Variants in KCNH2 observed in about 807,000 individuals in gnomAD.
The protein encoded by KCNH2 is potassium voltage-gated channel subfamily H member 2, also known as voltage-gated inwardly rectifying potassium channel KCNH2.
Under a neutral mutation model 95.9 loss-of-function variants are expected in KCNH2, and 35 were observed. That is an observed-to-expected ratio of 0.37 (90% CI 0.28 to 0.48). The LOEUF is 0.48. Among genes scored for constraint, KCNH2 ranks in the 20% least tolerant of loss-of-function variants. The probability of loss-of-function intolerance (pLI) is 0.99; values close to 1 mark genes in which losing one functional copy is unlikely to be tolerated. For missense variants in KCNH2, 1,274 were observed against 1,702.9 expected (o/e 0.75, Z 4.43); for synonymous variants, 786 against 754.7 (o/e 1.04, Z -0.68).
Position 150,958,420 on chromosome 7 carries a change from C to T in KCNH2, c.555G>A (p.Ala185=), listed in dbSNP as rs894519401. ...CGGCCCCCGGGGCGCCCGCGCCGCC[C>T]GCGCCGCCCGACCGCACCGACGACT... is the stretch of plus-strand genomic sequence containing the variant. ...ARESSVRSGG[A]GGAGAPGAVV... is the part of the protein sequence containing the mutation. Residue 185 remains alanine (A), a synonymous_variant, in exon 4 of 15, where the codon GCG becomes GCA. Transcript: ENST00000262186. The T allele has an allele frequency of 1.1e-4, 154 of 1,443,318 alleles. No individual in the cohort carries two copies. Among genetic ancestry groups the T allele is most frequent in the Non-Finnish European group, 1.3e-4 (143 of 1,107,126 alleles). 89.4% of individuals were successfully genotyped at this position (1,443,318 alleles called of 1,614,324 possible). A position where few individuals can be genotyped will look rare whatever the true frequency, so the allele number is the denominator to read the frequency against.
chr7:150,969,464 G>C (rs978427167), intron 2 of KCNH2, among the ~76,000 whole-genome samples: 1 of 45,550 alleles, frequency 2.2e-5, no homozygotes, highest in East Asian at 2.9e-3. Context: ...CACCTCTGAG[G>C]GTGAAGCTGG....
chr7:150,964,020 A>T (rs1801638369), intron 2 of KCNH2, among the ~76,000 whole-genome samples: 2 of 152,170 alleles, frequency 1.3e-5, no homozygotes, highest in Non-Finnish European at 2.9e-5. Context: ...CCAGCATCCC[A>T]ACCCATCCGA....
At position 150,948,616 on chromosome 7, in the gene KCNH2, C is replaced by T. The variant is rs186396189; in HGVS notation, c.2593-73G>A. On this transcript the variant is annotated intron_variant, in intron 10 of 14. Coordinates refer to ENST00000262186, the MANE Select transcript of KCNH2 (RefSeq NM_000238.4). ...ACCGGGGTCAGGCCCCAAGCTCCCT[C>T]CTTAACACAGAAAAAGTAGGGCTGG... 4.3e-6 allele frequency: 6 copies of T among 1,382,364 alleles called. No homozygotes were observed. The African/African-American group carries it at 7.1e-5, about 16-fold the overall frequency. The allele number at this position is 1,382,364 out of a possible 1,614,324, so 85.6% of individuals were successfully genotyped here.
At chr7:150,977,364 T>A (rs1328711703) in intron 1 of KCNH2, among the ~76,000 whole-genome samples, 1 of 152,188 alleles carries the variant, frequency 6.6e-6, no homozygotes, top group Non-Finnish European at 1.5e-5. Context: ...GAAGAGATTA[T>A]GAGCTGACCC....
Position 150,950,244 on chromosome 7 carries a change from G to A in KCNH2, c.2322C>T (p.Asp774=). Residue 774 remains aspartate, a synonymous_variant, in exon 9 of 15, where the codon GAC becomes GAT. Transcript: ENST00000262186. ...PPGDTLVHAG[D]LLTALYFISR... Reference sequence around the variant, plus strand: ...AGATGAAGTACAGGGCGGTGAGCAGGTCCCCAGCATGCACCAGTGTGTCCC... The same window carrying A: ...AGATGAAGTACAGGGCGGTGAGCAGATCCCCAGCATGCACCAGTGTGTCCC... 1 of 1,613,380 alleles carries A rather than the reference G, an allele frequency of 6.2e-7. No homozygotes were observed. Among genetic ancestry groups the A allele is most frequent in the South Asian group, 1.1e-5 (1 of 91,050 alleles).
intron 5 of KCNH2, chr7:150,955,374 GGAA>G: frequency 1.3e-6 from 2 of 1,550,318 alleles, no homozygotes; most frequent in Non-Finnish European, 1.7e-6. Context: ...AGAAAGAAGA[GGAA>G]GGACCGGGTG....
In KCNH2 at chr7:150,947,061, C is replaced by T; in HGVS notation, c.3153-7G>A. On this transcript the variant is annotated splice_region_variant and splice_polypyrimidine_tract_variant and intron_variant, in intron 13 of 14. Transcript: ENST00000262186. The stretch of plus-strand genomic sequence containing the variant: ...ACTCAGCCGGGTCTCCAGCCTGGGG[C>T]AGGAAGTGGGGGATGCTCAGAGAAG... 1 of 1,582,416 alleles carries T rather than the reference C, an allele frequency of 6.3e-7. No homozygotes were observed. The highest frequency in any genetic ancestry group is 1.1e-5 in the South Asian group (1 of 87,792).
In KCNH2 at chr7:150,946,822, G is replaced by A; in HGVS notation, c.3330+55C>T. The A allele has an allele frequency of 6.6e-7, 1 of 1,518,722 alleles. No homozygotes were observed. Among genetic ancestry groups the A allele is most frequent in the Non-Finnish European group, 9.0e-7 (1 of 1,109,772 alleles). The allele number at this position is 1,518,722 out of a possible 1,614,324, so 94.1% of individuals were successfully genotyped here. On this transcript the variant is annotated intron_variant, in intron 14 of 14. Coordinates refer to ENST00000262186, the MANE Select transcript of KCNH2 (RefSeq NM_000238.4). This position sits in a 1 kb window ranked among gnomAD's most constrained non-coding sequence, Gnocchi z 6.5. ...AAAGGCAGCAAAGCAGGTTTGGGCT[G>A]GAATCGGGGAACAAGCGGGTCACGG...
chr7:150,951,894 G>A, intron 6 of KCNH2, 59 bp from the exon 7 acceptor site: 1 of 1,484,338 alleles, frequency 6.7e-7, no homozygotes, highest in Non-Finnish European at 9.1e-7. Context: ...AGGGAGGAGG[G>A]GAGGTGCTGC....
intron 7 of KCNH2, 71 bp downstream of exon 7, chr7:150,951,377 G>A (rs983870659): frequency 2.0e-5 from 32 of 1,587,260 alleles, no homozygotes; most frequent in Non-Finnish European, 2.6e-5. Context: ...CCGGCTAGCA[G>A]CCTCAGTTTC....
rs191502752 is a variant in KCNH2, at chr7:150,962,662, G to A, written c.308-2926C>T. Among the ~76,000 whole-genome samples, 25 of 99,668 alleles carry A rather than the reference G, an allele frequency of 2.5e-4. No individual in the cohort carries two copies. Among genetic ancestry groups the A allele is most frequent in the African/African-American group, 7.7e-4 (23 of 29,978 alleles). The allele number at this position is 99,668 out of a possible 152,430, so 65.4% of individuals were successfully genotyped here. A position where few individuals can be genotyped will look rare whatever the true frequency, so the allele number is the denominator to read the frequency against. On this transcript the variant is annotated intron_variant, in intron 2 of 14. Transcript: ENST00000262186. The surrounding 1 kb of genome is among the most constrained non-coding windows in gnomAD (Gnocchi z 5.7). ...GAGAGAGAGAGAGAGAGGAGTGACTGCTGGCCCTCTTCCTTTGTCGAGATT... is the reference window on the plus strand; with the variant it reads ...GAGAGAGAGAGAGAGAGGAGTGACTACTGGCCCTCTTCCTTTGTCGAGATT...
At chr7:150,959,151 C>T (rs550054292) in intron 3 of KCNH2, among the ~76,000 whole-genome samples, 1 of 152,322 alleles carries the variant, frequency 6.6e-6, no homozygotes, top group South Asian at 2.1e-4. Context: ...GAACAAGGAG[C>T]AGATGAAAGA....
At position 150,958,300 on chromosome 7, in the gene KCNH2, G is replaced by T; in HGVS notation, c.675C>A (p.Leu225=). 6.8e-7 allele frequency: 1 copy of T among 1,474,776 alleles called. No individual in the cohort carries two copies. The highest frequency in any genetic ancestry group is 2.1e-4 in the Middle Eastern group (1 of 4,754). 91.4% of individuals were successfully genotyped at this position (1,474,776 alleles called of 1,614,324 possible). A position where few individuals can be genotyped will look rare whatever the true frequency, so the allele number is the denominator to read the frequency against. ...VTAMDNHVAG[L]GPAEERRALV... ...GCGCACGCCGCTCCTCCGCGGGCCC[G>T]AGCCCTGCCACGTGGTTGTCCATGG... Residue 225 remains leucine (L), a synonymous_variant, in exon 4 of 15, where the codon CTC becomes CTA. Transcript: ENST00000262186.
chr7:150,953,593 A>C (rs764630315), intron 5 of KCNH2, among the ~76,000 whole-genome samples: 2 of 152,104 alleles, frequency 1.3e-5, no homozygotes, highest in Admixed American at 6.5e-5. Flanking sequence ...ACCAGCTCAC[A>C]CTCACACTCT....
Position 150,958,278 on chromosome 7 carries a change from C to A in KCNH2, c.697G>T (p.Ala233Ser), listed in dbSNP as rs772037564. 89 of 1,457,400 alleles carry A rather than the reference C, an allele frequency of 6.1e-5. 2 individuals carry two copies. The South Asian group carries it at 1.0e-3, about 17-fold the overall frequency. 90.3% of individuals were successfully genotyped at this position (1,457,400 alleles called of 1,614,324 possible). A position where few individuals can be genotyped will look rare whatever the true frequency, so the allele number is the denominator to read the frequency against. Residue 233 changes from alanine (A) to serine (S), a missense_variant, in exon 4 of 15, where the codon GCG (alanine) becomes TCG (serine). Physicochemically the swap from Ala to Ser is moderately conservative, Grantham distance 99 (BLOSUM62 1). This residue lies in a region of KCNH2 where 392 missense variants were observed against 429.9 expected (regional missense o/e 0.91). Coordinates refer to ENST00000262186, the MANE Select transcript of KCNH2 (RefSeq NM_000238.4). ...GGCGGAGAGCCGGGACCCACCAGCGCACGCCGCTCCTCCGCGGGCCCGAGC... is the reference window on the plus strand; with the variant it reads ...GGCGGAGAGCCGGGACCCACCAGCGAACGCCGCTCCTCCGCGGGCCCGAGC... ...AGLGPAEERR[A>S]LVGPGSPPRS...
Position 150,947,867 on chromosome 7 carries a change from G to C in KCNH2, c.2704C>G (p.Pro902Ala). ...RRRTDKDTEQ[P>A]GEVSALGPGR... is the part of the protein sequence containing the mutation. Reference sequence around the variant, plus strand: ...GGCCCCAAGGCCGACACCTCCCCTGGCTGCTCCGTGTCTGTGGGAAACAGA... The same window carrying C: ...GGCCCCAAGGCCGACACCTCCCCTGCCTGCTCCGTGTCTGTGGGAAACAGA... Residue 902 changes from proline (P) to alanine (A), a missense_variant, in exon 12 of 15, where the codon CCA becomes GCA. By Grantham distance (27) the Pro-to-Ala change is conservative. Transcript: ENST00000262186. The C allele has an allele frequency of 6.5e-7, 1 of 1,530,440 alleles. No homozygotes were observed. The highest frequency in any genetic ancestry group is 1.2e-5 in the South Asian group (1 of 83,360). 94.8% of individuals were successfully genotyped at this position (1,530,440 alleles called of 1,614,324 possible). A position where few individuals can be genotyped will look rare whatever the true frequency, so the allele number is the denominator to read the frequency against.
intron 2 of KCNH2, among the ~76,000 whole-genome samples, chr7:150,964,301 C>T (rs1361366965): frequency 6.6e-6 from 1 of 152,190 alleles, no homozygotes; most frequent in Non-Finnish European, 1.5e-5. Flanking sequence ...ACATCCGTGC[C>T]TGCGAAGTGT....
Position 150,951,793 on chromosome 7 carries a change from G to A in KCNH2, c.1600C>T (p.Arg534Cys), listed in dbSNP as rs199472916. The change falls in exon 7 of 15, where the codon CGC (arginine) becomes TGC (cysteine). Residue 534 changes from arginine to cysteine, a missense_variant. Around this residue, in one of 7 missense-constraint regions of KCNH2, gnomAD observed 147 missense variants for 344.4 expected, o/e 0.43. Transcript: ENST00000262186. ...LKTARLLRLV[R>C]VARKLDRYSE... ...TAGCGATCCAGCTTCCGCGCCACGC[G>A]CACCAGCCGCAGCAGCCGCGCAGTC... 2.5e-6 allele frequency: 4 copies of A among 1,589,886 alleles called. No individual in the cohort carries two copies. Among genetic ancestry groups the A allele is most frequent in the Non-Finnish European group, 3.4e-6 (4 of 1,164,940 alleles).
At chr7:150,966,695 CAAAAACAAT>C (rs1046274187) in intron 2 of KCNH2, among the ~76,000 whole-genome samples, 1 of 152,080 alleles carries the variant, frequency 6.6e-6, no homozygotes, top group Non-Finnish European at 1.5e-5. Flanking sequence ...GAAACATAGT[CAAAAACAAT>C]ACGTCTTTTA....
Sources: allele counts gnomAD v4.1 joint callset (sites outside exome capture counted in the v4.1 genomes callset), GRCh38; gene constraint gnomAD v4.1.1; regional missense constraint gnomAD v4.1.1; non-coding constraint Gnocchi (gnomAD v3.1); transcripts MANE v1.5; gene names NCBI Gene and HGNC (gene_info 2026-07-23, HGNC 2026-07-21).